ANKRD11: variants seen among roughly 807,000 people sequenced by gnomAD.
ANKRD11 encodes the protein ankyrin repeat domain 11.
In ANKRD11, 17 loss-of-function variants were observed where a neutral mutation model predicts 195.7. The ratio of observed to expected loss-of-function variants is 0.09; its 90% CI spans 0.06 to 0.13. The LOEUF (loss-of-function observed/expected upper bound fraction) is 0.13. Ranked by LOEUF, ANKRD11 falls within the 10% of genes least tolerant of loss-of-function variation. The pLI is 1.00. For synonymous variants in ANKRD11, 1,953 were observed against 1,528.1 expected (o/e 1.28, Z -6.49); for missense variants, 3,735 against 3,566.1 (o/e 1.05, Z -1.21).
At chr16:89,296,208 G>A (rs2035427679) in intron 4 of ANKRD11, among the ~76,000 whole-genome samples, 1 of 151,846 alleles carries the variant, frequency 6.6e-6, no homozygotes, top group African/African-American at 2.4e-5. Context: ...ATATTTAAAT[G>A]TGTAATTACT....
intron 2 of ANKRD11, among the ~76,000 whole-genome samples, chr16:89,407,312 A>G (rs972988876): frequency 6.6e-6 from 1 of 151,710 alleles, no homozygotes; most frequent in African/African-American, 2.4e-5. Context: ...GGGGAAAAAG[A>G]AAAAAAAATT....
At chr16:89,374,343 A>AAATAAT (rs927058066) in intron 2 of ANKRD11, among the ~76,000 whole-genome samples, 25 of 151,208 alleles carry the variant, frequency 1.7e-4, no homozygotes, top group Middle Eastern at 3.4e-3. Flanking sequence ...TTTGTAAAAA[A>AAATAAT]AATAATAATA....
chr16:89,338,026 T>C (rs2038461624), intron 2 of ANKRD11, among the ~76,000 whole-genome samples: 1 of 152,092 alleles, frequency 6.6e-6, no homozygotes, highest in South Asian at 2.1e-4. Context: ...CTGGTGCCAG[T>C]ATCATGGTGA....
intron 1 of ANKRD11, among the ~76,000 whole-genome samples, chr16:89,480,507 T>G (rs2057410942): frequency 1.3e-5 from 2 of 152,214 alleles, no homozygotes; most frequent in South Asian, 4.1e-4. Context: ...TCCTAACTTT[T>G]AAGATTTCCA....
intron 4 of ANKRD11, chr16:89,301,052 A>T: frequency 1.8e-6 from 1 of 568,558 alleles, no homozygotes; most frequent in Non-Finnish European, 3.1e-6. Flanking sequence ...CAGGGAGGCC[A>T]GGCAATGATG....
Position 89,282,707 on chromosome 16 carries a change from T to C in ANKRD11, c.3835A>G (p.Ser1279Gly). The C allele has an allele frequency of 6.2e-7, 1 of 1,614,018 alleles. No individual in the cohort carries two copies. Among genetic ancestry groups the C allele is most frequent in the Non-Finnish European group, 8.5e-7 (1 of 1,180,026 alleles). Residue 1279 changes from serine (S) to glycine (G), a missense_variant, in exon 9 of 13, where the codon AGC becomes GGC. Physicochemically the swap from Ser to Gly is moderately conservative, Grantham distance 56. Transcript: ENST00000301030. ...KSSRSADAEKSLLEKLEEEAL... is the reference protein window; with the variant it reads ...KSSRSADAEKGLLEKLEEEAL... ...TCTTCTTCCAACTTTTCAAGCAGGC[T>C]TTTTTCCGCGTCGGCACTTCTCGAG...
intron 3 of ANKRD11, 134 bp downstream of exon 3, chr16:89,316,799 C>T: frequency 9.0e-7 from 1 of 1,106,450 alleles, no homozygotes; most frequent in Non-Finnish European, 1.3e-6. Flanking sequence ...ACCCTCTCCA[C>T]TCCTGGCTGC....
Position 89,295,991 on chromosome 16 carries a change from T to TTTTTTTTTTTTTTC in ANKRD11, c.227-4809_227-4808insGAAAAAAAAAAAAA. Among the ~76,000 whole-genome samples, 2 of 109,256 alleles carry TTTTTTTTTTTTTTC rather than the reference T, an allele frequency of 1.8e-5. 1 individual carries two copies. The highest frequency in any genetic ancestry group is 6.5e-4 in the South Asian group (2 of 3,072). 71.7% of individuals were successfully genotyped at this position (109,256 alleles called of 152,430 possible). On this transcript the variant is annotated intron_variant, in intron 4 of 12. Coordinates refer to ENST00000301030, the MANE Select transcript of ANKRD11 (RefSeq NM_013275.6). ...GTCTTCTCTATCTGGCTGCCTTTTT[T>TTTTTTTTTTTTTTC]TTTTTTTTTTTTTTTGAGACAAGGT... is the stretch of plus-strand genomic sequence containing the variant.
intron 2 of ANKRD11, among the ~76,000 whole-genome samples, chr16:89,366,946 C>T (rs1307553901): frequency 2.0e-5 from 3 of 152,244 alleles, no homozygotes; most frequent in Non-Finnish European, 4.4e-5. Context: ...TCTGGTTGTA[C>T]AAAGACAGAC....
At chr16:89,424,083 T>TA (rs1190272736) in intron 1 of ANKRD11, among the ~76,000 whole-genome samples, 1 of 151,856 alleles carries the variant, frequency 6.6e-6, no homozygotes, top group East Asian at 1.9e-4. Flanking sequence ...TTAGAGGAGA[T>TA]AAACTACCTG....
chr16:89,403,531 C>A (rs1174410760), intron 2 of ANKRD11: 1 of 152,140 alleles, frequency 6.6e-6, no homozygotes, highest in African/African-American at 2.4e-5. Flanking sequence ...TCAACTACGA[C>A]TGGGCAATGA....
intron 1 of ANKRD11, among the ~76,000 whole-genome samples, chr16:89,419,049 G>A (rs2042411050): frequency 6.6e-6 from 1 of 152,104 alleles, no homozygotes; most frequent in South Asian, 2.1e-4. Context: ...ACTTTAAGAA[G>A]CATATTAAGT....
chr16:89,306,826 A>G (rs78965665), intron 3 of ANKRD11, among the ~76,000 whole-genome samples: 441 of 9,108 alleles, frequency 0.048, 182 homozygotes, highest in South Asian at 0.12. Context: ...CTCCCATTCC[A>G]CAGACACGCG....
intron 2 of ANKRD11, among the ~76,000 whole-genome samples, chr16:89,338,719 T>A (rs1597703009): frequency 3.9e-5 from 3 of 77,560 alleles, no homozygotes; most frequent in East Asian, 3.6e-4. Flanking sequence ...AGAGCAACAC[T>A]CAGTCTCAAA....
chr16:89,335,667 C>A (rs1186183220), intron 2 of ANKRD11, among the ~76,000 whole-genome samples: 1 of 152,232 alleles, frequency 6.6e-6, no homozygotes, highest in African/African-American at 2.4e-5. Context: ...TGTCTCTGCA[C>A]CTCAGCTGAG....
At chr16:89,428,362 A>G (rs538947430) in intron 1 of ANKRD11, among the ~76,000 whole-genome samples, 14 of 151,900 alleles carry the variant, frequency 9.2e-5, no homozygotes, top group South Asian at 4.2e-4. Context: ...CGTCTCTACT[A>G]AAAATACAAA....
intron 3 of ANKRD11, among the ~76,000 whole-genome samples, chr16:89,312,983 C>T (rs529057800): frequency 2.0e-5 from 3 of 152,324 alleles, no homozygotes; most frequent in East Asian, 3.9e-4. Flanking sequence ...GGGGGGGTTT[C>T]TGCTGAGACT....
At chr16:89,314,611 C>T (rs752679813) in intron 3 of ANKRD11, among the ~76,000 whole-genome samples, 11 of 152,186 alleles carry the variant, frequency 7.2e-5, no homozygotes, top group Non-Finnish European at 1.0e-4. Flanking sequence ...CTCCACCACG[C>T]CCAGCCTGCT....
chr16:89,268,717 G>C (rs1044369839), intron 12 of ANKRD11, 54 bp from the exon 13 acceptor site: 3 of 1,542,114 alleles, frequency 1.9e-6, no homozygotes, highest in East Asian at 2.4e-5. Context: ...GAGAGCCCCA[G>C]ACTCTGCCGA....
Sources: gnomAD v4.1 joint callset for allele counts (sites outside exome capture counted in the v4.1 genomes callset) on GRCh38, gnomAD v4.1.1 for gene constraint, MANE v1.5 for transcripts, NCBI Gene and HGNC (gene_info 2026-07-23, HGNC 2026-07-21) for gene names.